The following BRINP2 variants were observed in gnomAD, a reference collection of about 807,000 sequenced individuals.
The protein encoded by BRINP2 is BMP/retinoic acid-inducible neural-specific protein 2.
In BRINP2, 21 loss-of-function variants were observed where a neutral mutation model predicts 69.2. The observed-to-expected ratio is 0.30, with a 90% confidence interval of 0.22 to 0.44. The LOEUF (loss-of-function observed/expected upper bound fraction) is 0.44, where lower values mean the gene tolerates loss of function less well. Among genes scored for constraint, BRINP2 ranks in the 20% least tolerant of loss-of-function variants. BRINP2 has a pLI of 1.00. For synonymous variants in BRINP2, 380 were observed against 394.1 expected (o/e 0.96, Z 0.42); for missense variants, 877 against 986.0 (o/e 0.89, Z 1.48).
Position 177,280,587 on chromosome 1 carries a change from C to G in BRINP2, c.1411C>G (p.Pro471Ala), listed in dbSNP as rs781642241. Residue 471 changes from proline (P) to alanine (A), a missense_variant, in exon 8 of 8, where the codon CCA becomes GCA. Physicochemically the swap from Pro to Ala is conservative, Grantham distance 27. Transcript: ENST00000361539. ...GEGPACAHCA[P>A]DNSTRCGSCN... Reference sequence around the variant, plus strand: ...AGGGCCCGCGTGTGCCCACTGTGCTCCAGACAATAGCACACGCTGTGGGAG... The same window carrying G: ...AGGGCCCGCGTGTGCCCACTGTGCTGCAGACAATAGCACACGCTGTGGGAG... 1.9e-6 allele frequency: 3 copies of G among 1,614,004 alleles called. No individual in the cohort carries two copies. Among genetic ancestry groups the G allele is most frequent in the African/African-American group, 2.7e-5 (2 of 74,946 alleles).
intron 1 of BRINP2, among the ~76,000 whole-genome samples, chr1:177,195,648 A>G (rs1181314462): frequency 6.6e-6 from 1 of 151,462 alleles, no homozygotes; most frequent in Non-Finnish European, 1.5e-5. Context: ...ACCAACACCA[A>G]CGCTGGCAAG....
At chr1:177,179,200 T>C (rs188461859) in intron 1 of BRINP2, among the ~76,000 whole-genome samples, 1 of 150,928 alleles carries the variant, frequency 6.6e-6, no homozygotes, top group East Asian at 2.0e-4. Context: ...ATGAAGAAGA[T>C]AAAATAGAGT....
intron 1 of BRINP2, among the ~76,000 whole-genome samples, chr1:177,204,386 G>A (rs1649009693): frequency 6.6e-6 from 1 of 152,006 alleles, no homozygotes; most frequent in South Asian, 2.1e-4. Context: ...AAAGTATACA[G>A]CAAGAGAGAG....
At chr1:177,251,946 C>T (rs972640957) in intron 2 of BRINP2, among the ~76,000 whole-genome samples, 2 of 152,156 alleles carry the variant, frequency 1.3e-5, no homozygotes, top group Non-Finnish European at 1.5e-5. Flanking sequence ...GAAGTCTAGA[C>T]ATGCCCTATC....
At chr1:177,228,418 G>T (rs2102324094) in intron 1 of BRINP2, among the ~76,000 whole-genome samples, 1 of 152,284 alleles carries the variant, frequency 6.6e-6, no homozygotes, top group Non-Finnish European at 1.5e-5. Context: ...CTGATCCGAT[G>T]GAAGTCAGGT....
At chr1:177,206,740 T>C (rs1222342844) in intron 1 of BRINP2, among the ~76,000 whole-genome samples, 1 of 152,130 alleles carries the variant, frequency 6.6e-6, no homozygotes, top group Non-Finnish European at 1.5e-5. Flanking sequence ...CACTAGGACA[T>C]GTGCTGACTT....
Position 177,280,475 on chromosome 1 carries a change from T to C in BRINP2, c.1299T>C (p.Pro433=), listed in dbSNP as rs1651656029. The change falls in exon 8 of 8, where the codon CCT becomes CCC. Residue 433 remains proline, a synonymous_variant. Transcript: ENST00000361539. ...SLLYCGESTF[P]GTFLEQSHSC... ...TCTACTGTGGGGAAAGCACCTTTCC[T>C]GGCACTTTCCTGGAACAGAGCCACA... 3 of 1,614,050 alleles carry C rather than the reference T, an allele frequency of 1.9e-6. No individual in the cohort carries two copies. The highest frequency in any genetic ancestry group is 2.7e-5 in the African/African-American group (2 of 74,948).
intron 6 of BRINP2, among the ~76,000 whole-genome samples, chr1:177,277,221 A>G (rs1474424057): frequency 6.6e-6 from 1 of 150,384 alleles, no homozygotes; most frequent in African/African-American, 2.5e-5. Flanking sequence ...ATACATATGT[A>G]ATACTATTTA....
chr1:177,171,132 C>G lies in BRINP2; in HGVS notation c.-677C>G, dbSNP rs1422685309. On this transcript the variant is annotated 5_prime_UTR_variant, in exon 1 of 8. Coordinates refer to ENST00000361539, the MANE Select transcript of BRINP2 (RefSeq NM_021165.4). ...GACTTGCCCGGGGATGTGCACCTGC[C>G]GTGCGCTCCGAGGTCAGTGGCAGGT... 6.6e-6 allele frequency among the ~76,000 whole-genome samples: 1 copy of G among 152,246 alleles called. No individual in the cohort carries two copies. The highest frequency in any genetic ancestry group is 1.5e-5 in the Non-Finnish European group (1 of 68,042).
chr1:177,214,192 G>A (rs995729820), intron 1 of BRINP2, among the ~76,000 whole-genome samples: 1 of 152,188 alleles, frequency 6.6e-6, no homozygotes, highest in African/African-American at 2.4e-5. Context: ...AGCACTTTGG[G>A]AGGCCGAGGT....
chr1:177,252,061 G>T (rs1348212911), intron 2 of BRINP2, among the ~76,000 whole-genome samples: 1 of 152,138 alleles, frequency 6.6e-6, no homozygotes, highest in Non-Finnish European at 1.5e-5. Context: ...CAACTAACCA[G>T]TGAGAGGATT....
chr1:177,245,625 A>T (rs1230716277), intron 2 of BRINP2, among the ~76,000 whole-genome samples: 5 of 152,176 alleles, frequency 3.3e-5, no homozygotes, highest in African/African-American at 1.2e-4. Flanking sequence ...AGCAGATGAG[A>T]TGCTGGGGAG....
At chr1:177,259,884 A>G (rs1050944301) in intron 4 of BRINP2, among the ~76,000 whole-genome samples, 2 of 152,210 alleles carry the variant, frequency 1.3e-5, no homozygotes, top group Non-Finnish European at 2.9e-5. Flanking sequence ...ATGGAGATGT[A>G]CAAAGGAGAT....
At chr1:177,242,978 T>A (rs1302585583) in intron 2 of BRINP2, among the ~76,000 whole-genome samples, 2 of 152,236 alleles carry the variant, frequency 1.3e-5, no homozygotes, top group African/African-American at 2.4e-5. Context: ...ATTTTGCATC[T>A]CTGAGCCTCA....
chr1:177,209,637 G>A (rs1049592641), intron 1 of BRINP2, among the ~76,000 whole-genome samples: 1 of 152,168 alleles, frequency 6.6e-6, no homozygotes, highest in Non-Finnish European at 1.5e-5. Context: ...GAGCAACCAA[G>A]TGTGAGACAC....
At chr1:177,236,343 A>G (rs1453539930) in intron 2 of BRINP2, among the ~76,000 whole-genome samples, 1 of 152,208 alleles carries the variant, frequency 6.6e-6, no homozygotes, top group Non-Finnish European at 1.5e-5. Flanking sequence ...ATCATACCAC[A>G]TCAGTGCAGC....
intron 1 of BRINP2, among the ~76,000 whole-genome samples, chr1:177,227,273 C>G (rs928732120): frequency 6.6e-6 from 1 of 152,214 alleles, no homozygotes; most frequent in African/African-American, 2.4e-5. Context: ...GTGTTGGCTG[C>G]CTTGGCCTCC....
intron 1 of BRINP2, among the ~76,000 whole-genome samples, chr1:177,190,540 C>T (rs1044610702): frequency 1.3e-5 from 2 of 151,994 alleles, no homozygotes; most frequent in African/African-American, 4.8e-5. Flanking sequence ...TTGGCAGTCT[C>T]CCGTTCTCTC....
At chr1:177,228,961 G>A (rs1649782022) in intron 1 of BRINP2, among the ~76,000 whole-genome samples, 1 of 152,172 alleles carries the variant, frequency 6.6e-6, no homozygotes, top group Non-Finnish European at 1.5e-5. Flanking sequence ...TTCAAGAATG[G>A]TGTGTGAAGA....
Sources: gnomAD v4.1 joint callset for allele counts (sites outside exome capture counted in the v4.1 genomes callset) on GRCh38, gnomAD v4.1.1 for gene constraint, MANE v1.5 for transcripts, NCBI Gene and HGNC (gene_info 2026-07-23, HGNC 2026-07-21) for gene names.